The following COMMD1 variants were observed in gnomAD, a reference collection of about 807,000 sequenced individuals.
COMMD1 encodes the protein copper metabolism domain containing 1, also known as COMM domain-containing protein 1.
A neutral mutation model predicts 17.2 loss-of-function variants in COMMD1; 10 were observed. The ratio of observed to expected loss-of-function variants is 0.58; its 90% confidence interval spans 0.36 to 0.99. The LOEUF is 0.99. Ranked by LOEUF, COMMD1 falls within the 50% of genes least tolerant of loss-of-function variation. The probability of loss-of-function intolerance (pLI) is 0.01; values close to 1 mark genes in which losing one functional copy is unlikely to be tolerated. For synonymous variants in COMMD1, 97 were observed against 91.6 expected, an observed-to-expected ratio of 1.06 and a Z score of -0.34; for missense variants, 270 against 231.8, an observed-to-expected ratio of 1.17 and a Z score of -1.07.
At chr2:61,894,908 G>A (rs1166658320) in intron 1 of COMMD1, among the ~76,000 whole-genome samples, 3 of 152,000 alleles carry the variant, frequency 2.0e-5, no homozygotes, top group Admixed American at 6.6e-5. Flanking sequence ...ACGTTGGCCA[G>A]GCTGGTCTCA....
At position 61,918,799 on chromosome 2, in the gene COMMD1, G is replaced by A. The variant is rs72891745; in HGVS notation, c.180+12941G>A. Reference sequence around the variant, plus strand: ...GTCTGGTGGAGTGGATCCTTAAACTGCAGAAATATGAAAAAAAATCATGAT... The same window carrying A: ...GTCTGGTGGAGTGGATCCTTAAACTACAGAAATATGAAAAAAAATCATGAT... On this transcript the variant is annotated intron_variant, in intron 1 of 2. Coordinates refer to ENST00000311832, the MANE Select transcript of COMMD1 (RefSeq NM_152516.4). Among the ~76,000 whole-genome samples the A allele has an allele frequency of 4.6e-3, 700 of 152,042 alleles. 4 individuals carry two copies. The highest frequency in any genetic ancestry group is 0.016 in the African/African-American group (648 of 41,450).
At chr2:61,937,243 T>C (rs985819264) in intron 1 of COMMD1, among the ~76,000 whole-genome samples, 13 of 152,314 alleles carry the variant, frequency 8.5e-5, no homozygotes, top group African/African-American at 3.1e-4. Context: ...TTACCCCCAC[T>C]TCACTTTCAT....
At chr2:61,892,918 A>G (rs1669468535) in intron 1 of COMMD1, among the ~76,000 whole-genome samples, 1 of 151,484 alleles carries the variant, frequency 6.6e-6, no homozygotes, top group Non-Finnish European at 1.5e-5. Context: ...CCCAGCCTGG[A>G]GTGCAGTGGC....
chr2:62,038,689 C>T (rs959485716), intron 2 of COMMD1, among the ~76,000 whole-genome samples: 7 of 152,094 alleles, frequency 4.6e-5, no homozygotes, highest in Non-Finnish European at 1.5e-5. Flanking sequence ...GCTGGACTTA[C>T]AGGCATACAT....
chr2:61,945,350 A>G lies in COMMD1; in HGVS notation c.180+39492A>G, dbSNP rs1028893601. Among the ~76,000 whole-genome samples, 11 of 152,228 alleles carry G rather than the reference A, an allele frequency of 7.2e-5. No individual in the cohort carries two copies. The South Asian group carries it at 2.3e-3, about 32-fold the overall frequency. ...GTAAAACTTCAGAAAAAGGAGTTGT[A>G]CAACAAAATAAACTTTAGATCTTGA... On this transcript the variant is annotated intron_variant, in intron 1 of 2. Transcript: ENST00000311832.
intron 1 of COMMD1, among the ~76,000 whole-genome samples, chr2:61,963,984 CAAGT>C (rs1378700569): frequency 2.0e-5 from 3 of 152,136 alleles, no homozygotes; most frequent in Non-Finnish European, 4.4e-5. Context: ...GTGGCTGGGC[CAAGT>C]AAGCCGATTT....
At chr2:61,888,765 G>A in exon 1 of COMMD1, 1 of 515,314 alleles carries the variant, frequency 1.9e-6, no homozygotes, top group Non-Finnish European at 3.4e-6. Context: ...TTGTACGCCC[G>A]GGGCGCTGTG....
intron 2 of COMMD1, chr2:62,069,799 G>T (rs1671151840): frequency 6.6e-6 from 1 of 152,146 alleles, no homozygotes; most frequent in Admixed American, 6.5e-5. Context: ...ATTATCACTT[G>T]TGGCTGAGAT....
chr2:62,049,895 T>C (rs1435689690), intron 2 of COMMD1, among the ~76,000 whole-genome samples: 3 of 149,848 alleles, frequency 2.0e-5, no homozygotes, highest in Non-Finnish European at 1.5e-5. Flanking sequence ...AATTTAGTGA[T>C]ATGATTAATA....
chr2:62,054,533 A>G (rs1670634273), intron 2 of COMMD1, among the ~76,000 whole-genome samples: 1 of 152,226 alleles, frequency 6.6e-6, no homozygotes, highest in Non-Finnish European at 1.5e-5. Context: ...GAATGAAATC[A>G]TGTCAGGGAC....
intron 1 of COMMD1, among the ~76,000 whole-genome samples, chr2:61,950,495 A>G (rs1671023197): frequency 6.6e-6 from 1 of 152,236 alleles, no homozygotes; most frequent in African/African-American, 2.4e-5. Flanking sequence ...ATGGATTAAT[A>G]TGGGATTCCT....
chr2:61,921,124 C>T (rs539923982), intron 1 of COMMD1, among the ~76,000 whole-genome samples: 3 of 151,536 alleles, frequency 2.0e-5, no homozygotes, highest in East Asian at 3.9e-4. Flanking sequence ...TCTACAGGTG[C>T]GTGCCTGGCC....
intron 2 of COMMD1, among the ~76,000 whole-genome samples, chr2:62,060,774 T>C (rs914216264): frequency 3.9e-5 from 6 of 152,146 alleles, no homozygotes; most frequent in Non-Finnish European, 7.4e-5. Flanking sequence ...AACAACAGTT[T>C]TGTTGTTTGT....
chr2:62,063,705 A>G (rs1670939971), intron 2 of COMMD1, among the ~76,000 whole-genome samples: 1 of 151,808 alleles, frequency 6.6e-6, no homozygotes. Context: ...GTATAAACAA[A>G]AACAGTGTGG....
intron 2 of COMMD1, among the ~76,000 whole-genome samples, chr2:62,075,039 G>A (rs757027139): frequency 1.3e-5 from 2 of 151,660 alleles, no homozygotes; most frequent in South Asian, 2.1e-4. Flanking sequence ...ACAGGTGCAC[G>A]CCACCACACC....
intron 2 of COMMD1, among the ~76,000 whole-genome samples, chr2:62,128,661 G>A (rs1356622314): frequency 6.6e-6 from 1 of 151,684 alleles, no homozygotes; most frequent in Admixed American, 6.6e-5. Context: ...TACCATATAA[G>A]ATATTTCAAG....
chr2:62,082,446 T>C (rs1390738139), intron 2 of COMMD1, among the ~76,000 whole-genome samples: 3 of 152,186 alleles, frequency 2.0e-5, no homozygotes, highest in African/African-American at 7.2e-5. Context: ...CCTCTGTCTT[T>C]CCCTTAGATG....
At chr2:62,104,654 A>AC (rs1672278254) in intron 2 of COMMD1, among the ~76,000 whole-genome samples, 1 of 145,278 alleles carries the variant, frequency 6.9e-6, no homozygotes, top group African/African-American at 2.5e-5. Context: ...AAAAAAAAAA[A>AC]CAATAACAAC....
chr2:62,060,663 A>G lies in COMMD1; in HGVS notation c.462+59681A>G, dbSNP rs570493931. 3.9e-5 allele frequency among the ~76,000 whole-genome samples: 6 copies of G among 152,212 alleles called. No homozygotes were observed. The South Asian group carries it at 1.2e-3, about 32-fold the overall frequency. ...CTTTAGCATTTCTTGTTGTGCAGGTATGTTGGGCAGGGAGTTGGCTTAGTT... is the reference window on the plus strand; with the variant it reads ...CTTTAGCATTTCTTGTTGTGCAGGTGTGTTGGGCAGGGAGTTGGCTTAGTT... On this transcript the variant is annotated intron_variant, in intron 2 of 2. Transcript: ENST00000311832.
Sources: allele counts gnomAD v4.1 joint callset (sites outside exome capture counted in the v4.1 genomes callset), GRCh38; gene constraint gnomAD v4.1.1; transcripts MANE v1.5; gene names NCBI Gene and HGNC (gene_info 2026-07-23, HGNC 2026-07-21).